The following GBE1 variants were observed in gnomAD, a reference collection of about 807,000 sequenced individuals.
GBE1 encodes 1,4-alpha-glucan branching enzyme 1.
Under a neutral mutation model 88.8 loss-of-function variants are expected in GBE1, and 70 were observed. The ratio of observed to expected loss-of-function variants is 0.79; its 90% CI spans 0.65 to 0.96. The LOEUF is 0.96. GBE1 is among the 40% of genes least tolerant of loss of function. The pLI, the probability that GBE1 is intolerant of heterozygous loss-of-function variation, is 0.00. For synonymous variants in GBE1, 284 were observed against 300.1 expected (o/e 0.95, Z 0.56); for missense variants, 872 against 871.0 (o/e 1.00, Z -0.01).
At chr3:81,604,235 A>C (rs1365840366) in intron 7 of GBE1, among the ~76,000 whole-genome samples, 1 of 151,708 alleles carries the variant, frequency 6.6e-6, no homozygotes, top group African/African-American at 2.4e-5. Flanking sequence ...AATAATGTAC[A>C]TAGAAAGCTA....
At chr3:81,579,897 A>G (rs992408312) in intron 11 of GBE1, among the ~76,000 whole-genome samples, 2 of 152,174 alleles carry the variant, frequency 1.3e-5, no homozygotes, top group Non-Finnish European at 2.9e-5. Flanking sequence ...CAAATGCATC[A>G]TTTTGGCACA....
At chr3:81,595,857 AT>A (rs1222976905) in intron 7 of GBE1, among the ~76,000 whole-genome samples, 3 of 152,014 alleles carry the variant, frequency 2.0e-5, no homozygotes. Context: ...GATTCTTAGC[AT>A]GTATGAACAA....
intron 2 of GBE1, among the ~76,000 whole-genome samples, chr3:81,681,712 A>ATAGT (rs1705345233): frequency 6.6e-6 from 1 of 152,224 alleles, no homozygotes; most frequent in African/African-American, 2.4e-5. Flanking sequence ...TTTAAAACCA[A>ATAGT]TAGTTCTTTA....
chr3:81,664,723 A>C (rs971547578), intron 3 of GBE1, among the ~76,000 whole-genome samples: 6 of 152,198 alleles, frequency 3.9e-5, no homozygotes, highest in African/African-American at 1.4e-4. Flanking sequence ...ATTTGCAAAA[A>C]TCACCCACTG....
chr3:81,620,408 T>C (rs1704310495), intron 7 of GBE1, among the ~76,000 whole-genome samples: 1 of 152,032 alleles, frequency 6.6e-6, no homozygotes, highest in South Asian at 2.1e-4. Flanking sequence ...AGTCTTGAAC[T>C]CCTGACCTCG....
intron 7 of GBE1, among the ~76,000 whole-genome samples, chr3:81,627,545 A>C (rs1704434970): frequency 6.6e-6 from 1 of 152,152 alleles, no homozygotes; most frequent in African/African-American, 2.4e-5. Context: ...AAGAAAGAGA[A>C]TCTGGATTTG....
chr3:81,582,458 T>TTTAGTCCCAG, intron 10 of GBE1, among the ~76,000 whole-genome samples: 1 of 152,250 alleles, frequency 6.6e-6, no homozygotes, highest in African/African-American at 2.4e-5. Context: ...ACACTTTGAT[T>TTTAGTCCCAG]TTAGTCCCAG....
In GBE1 at chr3:81,761,360, G is replaced by T; in HGVS notation, c.143+15C>A. The T allele has an allele frequency of 6.2e-7, 1 of 1,600,410 alleles. No individual in the cohort carries two copies. The highest frequency in any genetic ancestry group is 8.5e-7 in the Non-Finnish European group (1 of 1,170,626). On this transcript the variant is annotated intron_variant, in intron 1 of 15. Coordinates refer to ENST00000429644, the MANE Select transcript of GBE1 (RefSeq NM_000158.4). The stretch of plus-strand genomic sequence containing the variant: ...GCTGCCTGTCTAAGTGGGGGTGGTG[G>T]GATTCCGGCGGTACCTGCGCTGGAA...
rs968014009 is a variant in GBE1, at chr3:81,536,923, A to G, written c.1791T>C (p.Leu597=). ...GTGAAGAGCTTACCTGTGGAGCTGC[A>G]AGCCAACCATATCTTTCTTCCAATC... The part of the protein sequence containing the change: ...MNRLEERYGW[L]AAPQAYVSEK... The change falls in exon 13 of 16, where the codon CTT becomes CTC. Residue 597 remains leucine (L), a synonymous_variant. Transcript: ENST00000429644. 14 of 1,586,558 alleles carry G rather than the reference A, an allele frequency of 8.8e-6. No individual in the cohort carries two copies. Among genetic ancestry groups the G allele is most frequent in the Non-Finnish European group, 1.1e-5 (13 of 1,168,650 alleles).
chr3:81,696,695 T>A (rs1331532288), intron 2 of GBE1, among the ~76,000 whole-genome samples: 2 of 152,112 alleles, frequency 1.3e-5, no homozygotes, highest in Non-Finnish European at 2.9e-5. Flanking sequence ...ATAAACAAGA[T>A]AATTTTACAG....
At chr3:81,553,924 C>T (rs938958586) in intron 12 of GBE1, among the ~76,000 whole-genome samples, 2 of 152,086 alleles carry the variant, frequency 1.3e-5, no homozygotes, top group East Asian at 3.9e-4. Context: ...TTTTTTGGCA[C>T]ATTTTTAAAT....
intron 10 of GBE1, among the ~76,000 whole-genome samples, chr3:81,582,415 C>T (rs1703744813): frequency 6.6e-6 from 1 of 152,216 alleles, no homozygotes; most frequent in East Asian, 1.9e-4. Flanking sequence ...TGGCTTCTCC[C>T]TTACAGCCTC....
chr3:81,570,424 T>C (rs929871687), intron 12 of GBE1, among the ~76,000 whole-genome samples: 1 of 152,208 alleles, frequency 6.6e-6, no homozygotes, highest in African/African-American at 2.4e-5. Context: ...CAAGATGTTA[T>C]GAATCTCCAA....
chr3:81,657,823 T>C (rs1231491615), intron 3 of GBE1, among the ~76,000 whole-genome samples: 1 of 152,164 alleles, frequency 6.6e-6, no homozygotes, highest in East Asian at 1.9e-4. Context: ...AATAAACTTA[T>C]ATAAGACATA....
chr3:81,492,630 T>C (rs1702451751), intron 15 of GBE1, among the ~76,000 whole-genome samples: 1 of 152,002 alleles, frequency 6.6e-6, no homozygotes, highest in Non-Finnish European at 1.5e-5. Context: ...TCCTTTTCTC[T>C]TCCTTCCTTC....
chr3:81,650,732 G>A (rs1031830444), intron 3 of GBE1, among the ~76,000 whole-genome samples: 2 of 152,104 alleles, frequency 1.3e-5, no homozygotes, highest in African/African-American at 2.4e-5. Context: ...TGGTGCGATC[G>A]CAGCTCACTG....
chr3:81,530,149 C>T (rs189437177), intron 14 of GBE1, among the ~76,000 whole-genome samples: 24 of 152,038 alleles, frequency 1.6e-4, no homozygotes, highest in Admixed American at 1.4e-3. Context: ...TTTTCAGCCC[C>T]AGAATTTCTG....
At chr3:81,671,031 T>A (rs1336445836) in intron 2 of GBE1, 78 bp from the exon 3 acceptor site, 2 of 569,010 alleles carry the variant, frequency 3.5e-6, no homozygotes, top group Non-Finnish European at 5.9e-6. Context: ...AACAAAATAC[T>A]GCTTTACTTG....
chr3:81,663,855 C>T (rs550068885), intron 3 of GBE1, among the ~76,000 whole-genome samples: 1 of 152,258 alleles, frequency 6.6e-6, no homozygotes, highest in South Asian at 2.1e-4. Flanking sequence ...ACCCCCATCG[C>T]GCGCCCTGTG....
Sources: gnomAD v4.1 joint callset for allele counts (sites outside exome capture counted in the v4.1 genomes callset) on GRCh38, gnomAD v4.1.1 for gene constraint, MANE v1.5 for transcripts, NCBI Gene and HGNC (gene_info 2026-07-23, HGNC 2026-07-21) for gene names.